The following PTPRD variants were observed in gnomAD, a reference collection of about 807,000 sequenced individuals.
The protein encoded by PTPRD is receptor-type tyrosine-protein phosphatase delta.
In PTPRD, 34 loss-of-function variants were observed where a neutral mutation model predicts 214.5. The ratio of observed to expected loss-of-function variants is 0.16; its 90% CI spans 0.12 to 0.21. PTPRD has a LOEUF of 0.21. Ranked by LOEUF, PTPRD falls within the 10% of genes least tolerant of loss-of-function variation. The probability of loss-of-function intolerance (pLI) is 1.00; values close to 1 mark genes in which losing one functional copy is unlikely to be tolerated. For synonymous variants in PTPRD, 1,128 were observed against 845.7 expected, an observed-to-expected ratio of 1.33 and a Z score of -5.79; for missense variants, 2,545 against 2,398.7, an observed-to-expected ratio of 1.06 and a Z score of -1.27.
intron 11 of PTPRD, among the ~76,000 whole-genome samples, chr9:8,748,669 T>A (rs2093166497): frequency 6.6e-6 from 1 of 152,100 alleles, no homozygotes; most frequent in African/African-American, 2.4e-5. Context: ...CCCAACATTT[T>A]GAACAGCCAA....
At chr9:9,090,755 G>C (rs1334829532) in intron 10 of PTPRD, 2 of 631,320 alleles carry the variant, frequency 3.2e-6, no homozygotes, top group African/African-American at 3.6e-5. Flanking sequence ...AAACATCAGT[G>C]ATTTCAAGTT....
chr9:10,569,623 A>C (rs943156378), intron 2 of PTPRD, among the ~76,000 whole-genome samples: 2 of 151,882 alleles, frequency 1.3e-5, no homozygotes, highest in African/African-American at 2.4e-5. Flanking sequence ...TATTAGGATT[A>C]ATTTCATAGC....
At position 9,557,884 on chromosome 9, in the gene PTPRD, T is replaced by G. The variant is rs111426890; in HGVS notation, c.-237+16848A>C. The stretch of plus-strand genomic sequence containing the variant: ...GGGGCTATAGGCAGGTGAATATGGT[T>G]TTATTCAGCGGCAGCTCTCTTACAC... On this transcript the variant is annotated intron_variant, in intron 8 of 45. Transcript: ENST00000381196. 5.9e-3 allele frequency among the ~76,000 whole-genome samples: 901 copies of G among 152,200 alleles called. 4 individuals are homozygous for G. The highest frequency in any genetic ancestry group is 0.017 in the Middle Eastern group (5 of 294).
At chr9:9,068,101 T>G (rs2099737822) in intron 10 of PTPRD, among the ~76,000 whole-genome samples, 1 of 148,298 alleles carries the variant, frequency 6.7e-6, no homozygotes, top group African/African-American at 2.6e-5. Context: ...CTTTTTTAGA[T>G]TTTTTTCTCT....
At chr9:8,839,140 G>T (rs917380611) in intron 11 of PTPRD, among the ~76,000 whole-genome samples, 2 of 151,938 alleles carry the variant, frequency 1.3e-5, no homozygotes, top group Non-Finnish European at 2.9e-5. Flanking sequence ...GAAATATAGA[G>T]ATTTAATTCA....
chr9:10,249,207 G>T (rs926778517), intron 3 of PTPRD, among the ~76,000 whole-genome samples: 1 of 152,112 alleles, frequency 6.6e-6, no homozygotes, highest in African/African-American at 2.4e-5. Context: ...AGAAAAAAAA[G>T]GTTACAGCCA....
At chr9:8,755,239 AAAC>A (rs1483354126) in intron 11 of PTPRD, among the ~76,000 whole-genome samples, 38 of 151,940 alleles carry the variant, frequency 2.5e-4, no homozygotes, top group African/African-American at 7.2e-4. Context: ...AAAACAAAAA[AAAC>A]AAACAGGCCA....
chr9:10,535,465 G>A (rs755258173), intron 2 of PTPRD, among the ~76,000 whole-genome samples: 1 of 151,906 alleles, frequency 6.6e-6, no homozygotes, highest in Admixed American at 6.6e-5. Flanking sequence ...TTGTAATCTG[G>A]TGAGCTTACT....
rs148242536 is a variant in PTPRD at position 8,491,698 on chromosome 9, G to C, written c.2467+1164C>G. ...AAAAAAGCCCAGAAGACTCAGCCTT[G>C]AAGGAGTTTTGCCATCTGTAATCCT... On this transcript the variant is annotated intron_variant, in intron 27 of 45. Transcript: ENST00000381196. Among the ~76,000 whole-genome samples the C allele has an allele frequency of 1.7e-4, 26 of 149,694 alleles. No individual in the cohort carries two copies. In the East Asian group the frequency reaches 2.4e-3, roughly 14 times the overall value.
At position 8,726,026 on chromosome 9, in the gene PTPRD, G is replaced by GACACACAC. The variant is rs71500962; in HGVS notation, c.64+7746_64+7753dup. ...CACATAGCAGACAGACAGACAGACA[G>GACACACAC]ACACACACACACACACACACACACA... is the stretch of plus-strand genomic sequence containing the variant. On this transcript the variant is annotated intron_variant, in intron 12 of 45. Coordinates refer to ENST00000381196, the MANE Select transcript of PTPRD (RefSeq NM_002839.4). Among the ~76,000 whole-genome samples, 121 of 139,584 alleles carry GACACACAC rather than the reference G, an allele frequency of 8.7e-4. 1 individual carries two copies. The highest frequency in any genetic ancestry group is 2.7e-3 in the African/African-American group (96 of 35,584). The allele number at this position is 139,584 out of a possible 152,430, so 91.6% of individuals were successfully genotyped here.
At chr9:9,589,893 G>C (rs2092535726) in intron 7 of PTPRD, among the ~76,000 whole-genome samples, 1 of 151,876 alleles carries the variant, frequency 6.6e-6, no homozygotes, top group Non-Finnish European at 1.5e-5. Context: ...GCTTGTGGGA[G>C]AAGATGCTGG....
chr9:9,022,205 T>C (rs640391), intron 10 of PTPRD, among the ~76,000 whole-genome samples: 15,896 of 152,030 alleles, frequency 0.1, 1,122 homozygotes, highest in Middle Eastern at 0.18. Flanking sequence ...TAACTGATTA[T>C]TGAAGAAAGA....
chr9:8,400,815 C>T (rs139028029), intron 36 of PTPRD, among the ~76,000 whole-genome samples: 137 of 152,268 alleles, frequency 9.0e-4, no homozygotes, highest in African/African-American at 3.2e-3. Context: ...GTAAAATACT[C>T]ACACTGCCGC....
intron 9 of PTPRD, among the ~76,000 whole-genome samples, chr9:9,214,505 T>C (rs2099950878): frequency 6.6e-6 from 1 of 151,534 alleles, no homozygotes; most frequent in Non-Finnish European, 1.5e-5. Flanking sequence ...TTTTAACTTC[T>C]ACTACAAAGC....
chr9:9,365,784 G>C (rs961436128), intron 9 of PTPRD, among the ~76,000 whole-genome samples: 1 of 151,218 alleles, frequency 6.6e-6, no homozygotes, highest in Admixed American at 6.6e-5. Context: ...CTCTCAAACA[G>C]ACATTTTTCA....
At chr9:10,304,889 C>T (rs1310690354) in intron 3 of PTPRD, among the ~76,000 whole-genome samples, 5 of 152,062 alleles carry the variant, frequency 3.3e-5, no homozygotes, top group Admixed American at 3.3e-4. Flanking sequence ...ACTTTCTTCA[C>T]AGAATTGGAA....
Position 8,733,894 on chromosome 9 carries a change from G to A in PTPRD, c.-51C>T, listed in dbSNP as rs754934230. ...GAGCAGCTTGGAATCACTGCCTCCG[G>A]AGCCGCAGCGAGTCTGTCCGATCTG... is the stretch of plus-strand genomic sequence containing the variant. On this transcript the variant is annotated 5_prime_UTR_variant, in exon 12 of 46. Transcript: ENST00000381196. The A allele has an allele frequency of 1.0e-4, 158 of 1,519,984 alleles. No homozygotes were observed. The highest frequency in any genetic ancestry group is 2.4e-4 in the South Asian group (20 of 83,456). The allele number at this position is 1,519,984 out of a possible 1,614,324, so 94.2% of individuals were successfully genotyped here. A position where few individuals can be genotyped will look rare whatever the true frequency, so the allele number is the denominator to read the frequency against.
chr9:8,937,787 A>G (rs1234054625), intron 11 of PTPRD, among the ~76,000 whole-genome samples: 2 of 152,180 alleles, frequency 1.3e-5, no homozygotes, highest in African/African-American at 4.8e-5. Flanking sequence ...ATCCATTATT[A>G]TTTTAGAACA....
chr9:8,516,316 T>C (rs1419351720), intron 21 of PTPRD, among the ~76,000 whole-genome samples: 4 of 152,190 alleles, frequency 2.6e-5, no homozygotes, highest in African/African-American at 4.8e-5. Flanking sequence ...AGAAGATATA[T>C]GGATAGTTTT....
Sources: gnomAD v4.1 joint callset for allele counts (sites outside exome capture counted in the v4.1 genomes callset) on GRCh38, gnomAD v4.1.1 for gene constraint, MANE v1.5 for transcripts, NCBI Gene and HGNC (gene_info 2026-07-23, HGNC 2026-07-21) for gene names.